CHD9: variants seen among roughly 807,000 people sequenced by gnomAD.
The protein encoded by CHD9 is chromodomain helicase DNA binding protein 9, also known as ATP-dependent chromatin remodeler CHD9.
CHD9 carries 77 observed loss-of-function variants against 316.1 expected under a neutral mutation model. The ratio of observed to expected loss-of-function variants is 0.24; its 90% CI spans 0.20 to 0.29. The LOEUF (loss-of-function observed/expected upper bound fraction) is 0.29, where lower values mean the gene tolerates loss of function less well. Among genes scored for constraint, CHD9 ranks in the 10% least tolerant of loss-of-function variants. The pLI, the probability that CHD9 is intolerant of heterozygous loss-of-function variation, is 1.00. For missense variants in CHD9, 2,763 were observed against 3,438.1 expected (o/e 0.80, Z 4.91); for synonymous variants, 1,129 against 1,158.3 (o/e 0.97, Z 0.51).
intron 1 of CHD9, among the ~76,000 whole-genome samples, chr16:53,068,319 C>T (rs1166708103): frequency 1.3e-5 from 2 of 152,180 alleles, no homozygotes; most frequent in Non-Finnish European, 2.9e-5. Context: ...GATCCAAACA[C>T]CACTTTTCAA....
intron 1 of CHD9, among the ~76,000 whole-genome samples, chr16:53,087,365 C>T (rs1287663946): frequency 1.3e-5 from 2 of 152,180 alleles, no homozygotes; most frequent in East Asian, 1.9e-4. Context: ...GGGCTCTCCT[C>T]TCCTGGCAGA....
rs938475149 is a variant in CHD9 at position 53,270,643 on chromosome 16, T to G, written c.4717+2517T>G. ...GACTGTTGTATATACTTGTATTCTATAATTTTAAAATAAGCATAAACTCTC... is the reference window on the plus strand; with the variant it reads ...GACTGTTGTATATACTTGTATTCTAGAATTTTAAAATAAGCATAAACTCTC... On this transcript the variant is annotated intron_variant, in intron 22 of 38. Transcript: ENST00000447540. Among the ~76,000 whole-genome samples, 10 of 152,158 alleles carry G rather than the reference T, an allele frequency of 6.6e-5. No individual in the cohort carries two copies. The East Asian group carries it at 7.7e-4, about 12-fold the overall frequency.
chr16:53,295,221 G>A (rs1026500525), intron 29 of CHD9, among the ~76,000 whole-genome samples: 9 of 152,290 alleles, frequency 5.9e-5, no homozygotes, highest in African/African-American at 1.9e-4. Flanking sequence ...CTGCCTCCGG[G>A]GTTCAAGCAA....
At chr16:53,289,299 T>C (rs564562979) in intron 27 of CHD9, among the ~76,000 whole-genome samples, 75 of 152,318 alleles carry the variant, frequency 4.9e-4, no homozygotes, top group Admixed American at 4.8e-3. Flanking sequence ...CTCACGCCTG[T>C]AATCCCAGCA....
intron 2 of CHD9, among the ~76,000 whole-genome samples, chr16:53,161,374 A>G (rs937143240): frequency 1.3e-5 from 2 of 152,188 alleles, no homozygotes; most frequent in Non-Finnish European, 2.9e-5. Context: ...CATGTTCTGT[A>G]TAGTTATGGT....
rs1195286056 is a variant in CHD9, at chr16:53,156,532, A to C, written c.443A>C (p.His148Pro). Residue 148 changes from histidine (H) to proline (P), a missense_variant, in exon 2 of 39, where the codon CAC (histidine) becomes CCC (proline). Around this residue, in one of 15 missense-constraint regions of CHD9, gnomAD observed 859 missense variants for 890.4 expected, o/e 0.96. Coordinates refer to ENST00000447540, the MANE Select transcript of CHD9 (RefSeq NM_001308319.2). Reference protein sequence around the residue: ...GSPFHQQGHSHSMHQNKSFVA... With the variant: ...GSPFHQQGHSPSMHQNKSFVA... Reference sequence around the variant, plus strand: ...CCTTTTCACCAACAAGGACATTCACACTCTATGCATCAAAATAAAAGCTTT... The same window carrying C: ...CCTTTTCACCAACAAGGACATTCACCCTCTATGCATCAAAATAAAAGCTTT... 1 of 1,613,886 alleles carries C rather than the reference A, an allele frequency of 6.2e-7. No homozygotes were observed.
Position 53,318,253 on chromosome 16 carries a change from C to A in CHD9, c.7626C>A (p.His2542Gln). 6.2e-7 allele frequency: 1 copy of A among 1,612,852 alleles called. No homozygotes were observed. The change falls in exon 37 of 39, where the codon CAC becomes CAA. Residue 2542 changes from histidine to glutamine, a missense_variant. By Grantham distance (24) the His-to-Gln change is conservative (BLOSUM62 0). Transcript: ENST00000447540. ...LHEGRPKQKR[H>Q]RCRNPNKLDV... ...AGGGAAGACCCAAACAAAAAAGACA[C>A]CGTTGCAGAAACCCCAATAAACTAG...
chr16:53,313,785 CTA>C (rs1353848597), intron 34 of CHD9, among the ~76,000 whole-genome samples: 1 of 151,698 alleles, frequency 6.6e-6, no homozygotes, highest in Non-Finnish European at 1.5e-5. Context: ...CCCGTCTCTA[CTA>C]AACAAATACA....
At chr16:53,274,630 G>C (rs1363409484) in intron 24 of CHD9, among the ~76,000 whole-genome samples, 4 of 151,738 alleles carry the variant, frequency 2.6e-5, no homozygotes, top group Admixed American at 6.6e-5. Flanking sequence ...TAATTTTTTT[G>C]TATTTTTAGT....
rs139823641 is a variant in CHD9 at position 53,295,149 on chromosome 16, C to T, written c.5511-1807C>T. Among the ~76,000 whole-genome samples the T allele has an allele frequency of 6.4e-3, 974 of 152,234 alleles. 11 individuals carry two copies. Among genetic ancestry groups the T allele is most frequent in the African/African-American group, 0.019 (778 of 41,526 alleles). On this transcript the variant is annotated intron_variant, in intron 29 of 38. Transcript: ENST00000447540. ...TAATAATTTTTTTTCTTTCTTGAGA[C>T]GGAGTCTCCCTCTGTCACCCAAGCT...
rs533515086 is a variant in CHD9 at position 53,269,832 on chromosome 16, G to A, written c.4717+1706G>A. ...ACCACAGACTATCACAACCTTCAGCGTGTTACTGGCATCTAGTGGGTAGAG... is the reference window on the plus strand; with the variant it reads ...ACCACAGACTATCACAACCTTCAGCATGTTACTGGCATCTAGTGGGTAGAG... On this transcript the variant is annotated intron_variant, in intron 22 of 38. Coordinates refer to ENST00000447540, the MANE Select transcript of CHD9 (RefSeq NM_001308319.2). 3.9e-5 allele frequency among the ~76,000 whole-genome samples: 6 copies of A among 152,148 alleles called. No homozygotes were observed. In the East Asian group the frequency reaches 5.8e-4, roughly 15 times the overall value.
chr16:53,063,399 CACAA>C (rs1245389312), intron 1 of CHD9, among the ~76,000 whole-genome samples: 1 of 146,374 alleles, frequency 6.8e-6, no homozygotes, highest in Non-Finnish European at 1.5e-5. Context: ...CACACACACA[CACAA>C]AATGTGAAGG....
At chr16:53,228,353 AG>A (rs912650168) in intron 7 of CHD9, among the ~76,000 whole-genome samples, 1 of 151,436 alleles carries the variant, frequency 6.6e-6, no homozygotes, top group Non-Finnish European at 1.5e-5. Flanking sequence ...TAAAAAAAAA[AG>A]TTTTTTTTTT....
chr16:53,308,131 G>A (rs1198024398), intron 33 of CHD9, among the ~76,000 whole-genome samples, 178 bp downstream of exon 33: 1 of 152,086 alleles, frequency 6.6e-6, no homozygotes, highest in East Asian at 1.9e-4. Context: ...TAGAGGGATC[G>A]TCATTAAATA....
chr16:53,090,305 G>T (rs2035824071), intron 1 of CHD9, among the ~76,000 whole-genome samples: 1 of 152,212 alleles, frequency 6.6e-6, no homozygotes, highest in Non-Finnish European at 1.5e-5. Flanking sequence ...CTGGGAGAAG[G>T]ATGGGGCTGA....
chr16:53,280,930 C>A (rs1271745523), intron 24 of CHD9, among the ~76,000 whole-genome samples: 1 of 152,134 alleles, frequency 6.6e-6, no homozygotes, highest in Non-Finnish European at 1.5e-5. Flanking sequence ...AAGATGCTGT[C>A]TTCTGTAGGC....
intron 1 of CHD9, among the ~76,000 whole-genome samples, chr16:53,093,172 CT>C (rs1220852365): frequency 1.3e-5 from 2 of 152,250 alleles, no homozygotes; most frequent in African/African-American, 4.8e-5. Context: ...AGGGCCACCC[CT>C]ATGTTCCATT....
chr16:53,316,151 C>T (rs111975821), intron 36 of CHD9, among the ~76,000 whole-genome samples: 2 of 152,038 alleles, frequency 1.3e-5, no homozygotes, highest in Admixed American at 6.5e-5. Context: ...CTGGCTCAAG[C>T]GATCCTCCTG....
intron 1 of CHD9, among the ~76,000 whole-genome samples, chr16:53,095,404 C>A (rs1490887689): frequency 1.3e-5 from 2 of 151,904 alleles, no homozygotes; most frequent in Non-Finnish European, 2.9e-5. Context: ...TAAAATGTAG[C>A]TGGGCGTGGT....
Sources: gnomAD v4.1 joint callset for allele counts (sites outside exome capture counted in the v4.1 genomes callset) on GRCh38, gnomAD v4.1.1 for gene constraint, gnomAD v4.1.1 regional missense constraint, MANE v1.5 for transcripts, NCBI Gene and HGNC (gene_info 2026-07-23, HGNC 2026-07-21) for gene names.